The following LRRTM4 variants were observed in gnomAD, a reference collection of about 807,000 sequenced individuals.
LRRTM4 encodes the protein leucine rich repeat transmembrane neuronal 4.
LRRTM4 carries 25 observed loss-of-function variants against 47.6 expected under a neutral mutation model. The observed-to-expected ratio is 0.53, with a 90% confidence interval of 0.38 to 0.73. LRRTM4 has a LOEUF of 0.73. LRRTM4 is among the 30% of genes least tolerant of loss of function. The pLI is 0.00. For synonymous variants in LRRTM4, 311 were observed against 269.5 expected (o/e 1.15, Z -1.51); for missense variants, 638 against 713.4 (o/e 0.89, Z 1.20).
At chr2:77,214,344 A>C (rs556609389) in intron 3 of LRRTM4, among the ~76,000 whole-genome samples, 1 of 152,284 alleles carries the variant, frequency 6.6e-6, no homozygotes, top group South Asian at 2.1e-4. Context: ...TACAAAAGGG[A>C]TGATAACATT....
chr2:77,430,453 G>A lies in LRRTM4; in HGVS notation c.1551+87865C>T, dbSNP rs374451447. 6.6e-4 allele frequency among the ~76,000 whole-genome samples: 101 copies of A among 152,118 alleles called. 3 individuals are homozygous for A. In the South Asian group the frequency reaches 0.018, roughly 27 times the overall value. On this transcript the variant is annotated intron_variant, in intron 3 of 3. Coordinates refer to ENST00000409884, the MANE Select transcript of LRRTM4 (RefSeq NM_001134745.3). ...TTGACTGGATTGGGCCCTGTGCAGC[G>A]GCTCATGGCTGTAATCCTAGCATTT...
intron 3 of LRRTM4, among the ~76,000 whole-genome samples, chr2:76,919,482 A>G (rs1428839358): frequency 6.6e-6 from 1 of 152,150 alleles, no homozygotes; most frequent in African/African-American, 2.4e-5. Flanking sequence ...GTGAGGTTTG[A>G]GCAACCCAGC....
intron 3 of LRRTM4, among the ~76,000 whole-genome samples, chr2:77,459,392 TTAAA>T (rs1401155575): frequency 3.9e-5 from 6 of 152,114 alleles, no homozygotes; most frequent in African/African-American, 1.2e-4. Context: ...TTTTCTGTGT[TTAAA>T]TAAATAGATA....
intron 3 of LRRTM4, among the ~76,000 whole-genome samples, chr2:76,925,838 T>A (rs1021131531): frequency 2.6e-5 from 4 of 152,130 alleles, no homozygotes; most frequent in African/African-American, 7.2e-5. Context: ...CTAGCTATAC[T>A]CCCAAGATTT....
intron 3 of LRRTM4, among the ~76,000 whole-genome samples, chr2:77,153,158 C>T (rs1319860309): frequency 6.6e-6 from 1 of 152,156 alleles, no homozygotes; most frequent in Non-Finnish European, 1.5e-5. Flanking sequence ...CTTTAATGCT[C>T]ACATAGGACC....
At chr2:76,755,490 C>G (rs1321349106) in intron 3 of LRRTM4, among the ~76,000 whole-genome samples, 1 of 152,032 alleles carries the variant, frequency 6.6e-6, no homozygotes, top group Non-Finnish European at 1.5e-5. Flanking sequence ...CATCACCAAA[C>G]CAAAACTCTT....
At chr2:77,052,949 T>C (rs745685384) in intron 3 of LRRTM4, among the ~76,000 whole-genome samples, 3 of 151,964 alleles carry the variant, frequency 2.0e-5, no homozygotes, top group South Asian at 2.1e-4. Context: ...CAATAATTCT[T>C]GAAAAGGAGC....
intron 3 of LRRTM4, among the ~76,000 whole-genome samples, chr2:76,974,221 TACATAC>T (rs1558771753): frequency 1.6e-5 from 2 of 126,926 alleles, no homozygotes; most frequent in African/African-American, 3.1e-5. Context: ...CACATATATA[TACATAC>T]ATATATATAT....
At chr2:76,978,525 A>T (rs1676494200) in intron 3 of LRRTM4, among the ~76,000 whole-genome samples, 1 of 152,084 alleles carries the variant, frequency 6.6e-6, no homozygotes, top group Admixed American at 6.6e-5. Flanking sequence ...GCATTTTAAG[A>T]AATGGATGAG....
At position 77,221,171 on chromosome 2, in the gene LRRTM4, CA is replaced by C. The variant is rs568120500; in HGVS notation, c.1551+297146del. Among the ~76,000 whole-genome samples, 775 of 152,240 alleles carry C rather than the reference CA, an allele frequency of 5.1e-3. 6 individuals are homozygous for C. Among genetic ancestry groups the C allele is most frequent in the African/African-American group, 0.018 (740 of 41,532 alleles). On this transcript the variant is annotated intron_variant, in intron 3 of 3. Coordinates refer to ENST00000409884, the MANE Select transcript of LRRTM4 (RefSeq NM_001134745.3). ...AGCAAATGCTGAGATATTTTGTCAC[CA>C]CCAGGCCTGCCCTAAAAGAGCTCCT...
At chr2:76,867,325 C>A (rs1034173753) in intron 3 of LRRTM4, among the ~76,000 whole-genome samples, 1 of 152,130 alleles carries the variant, frequency 6.6e-6, no homozygotes. Context: ...GGCTTTACAA[C>A]AAACTCTGCT....
intron 3 of LRRTM4, among the ~76,000 whole-genome samples, chr2:77,431,985 A>C (rs1675396983): frequency 6.6e-6 from 1 of 152,136 alleles, no homozygotes; most frequent in African/African-American, 2.4e-5. Flanking sequence ...GAAGCAGGAG[A>C]ATCACTTGAA....
At chr2:77,007,702 G>T (rs1022911512) in intron 3 of LRRTM4, among the ~76,000 whole-genome samples, 1 of 152,110 alleles carries the variant, frequency 6.6e-6, no homozygotes, top group Admixed American at 6.6e-5. Context: ...AATAAAGGAA[G>T]GTATTTATAG....
chr2:76,918,719 A>C (rs543850725), intron 3 of LRRTM4, among the ~76,000 whole-genome samples: 1 of 152,230 alleles, frequency 6.6e-6, no homozygotes, highest in Non-Finnish European at 1.5e-5. Flanking sequence ...ACAGAAGCTA[A>C]AACTGCCACA....
chr2:77,253,423 GAGA>G (rs1675676829), intron 3 of LRRTM4, among the ~76,000 whole-genome samples: 3 of 152,096 alleles, frequency 2.0e-5, no homozygotes, highest in African/African-American at 4.8e-5. Context: ...TAGCACGAAT[GAGA>G]AGAACTCTCC....
At chr2:77,166,099 C>A (rs989384415) in intron 3 of LRRTM4, among the ~76,000 whole-genome samples, 39 of 152,186 alleles carry the variant, frequency 2.6e-4, no homozygotes, top group African/African-American at 8.7e-4. Flanking sequence ...TGATAAGCAA[C>A]TTCAGCAAAG....
At chr2:76,834,458 G>A (rs1671452281) in intron 3 of LRRTM4, among the ~76,000 whole-genome samples, 2 of 151,962 alleles carry the variant, frequency 1.3e-5, no homozygotes, top group Admixed American at 6.6e-5. Context: ...AATGAGAATA[G>A]CTCCTTTGTA....
At chr2:76,819,993 A>G (rs1396097049) in intron 3 of LRRTM4, among the ~76,000 whole-genome samples, 2 of 151,886 alleles carry the variant, frequency 1.3e-5, no homozygotes, top group Non-Finnish European at 2.9e-5. Flanking sequence ...GCTACAAGAA[A>G]CCTTGCTGGA....
chr2:77,334,808 A>G (rs536764371), intron 3 of LRRTM4, among the ~76,000 whole-genome samples: 1 of 152,318 alleles, frequency 6.6e-6, no homozygotes, highest in African/African-American at 2.4e-5. Context: ...TTAGTCAAAG[A>G]TAGGATACTA....
Sources: gnomAD v4.1 joint callset for allele counts (sites outside exome capture counted in the v4.1 genomes callset) on GRCh38, gnomAD v4.1.1 for gene constraint, MANE v1.5 for transcripts, NCBI Gene and HGNC (gene_info 2026-07-23, HGNC 2026-07-21) for gene names.